Variants in CCBE1 observed in about 807,000 individuals in gnomAD.
CCBE1 encodes the protein collagen and calcium binding EGF domains 1.
CCBE1 carries 37 observed loss-of-function variants against 50.0 expected under a neutral mutation model. That is an observed-to-expected ratio of 0.74 (90% confidence interval 0.57 to 0.97). The LOEUF is 0.97. Among genes scored for constraint, CCBE1 ranks in the 50% least tolerant of loss-of-function variants. CCBE1 has a pLI of 0.00. For missense variants in CCBE1, 538 were observed against 523.8 expected, an observed-to-expected ratio of 1.03 and a Z score of -0.26; for synonymous variants, 234 against 203.7, an observed-to-expected ratio of 1.15 and a Z score of -1.27.
chr18:59,513,649 G>A lies in CCBE1; in HGVS notation c.213-33411C>T, dbSNP rs1045060756. Reference sequence around the variant, plus strand: ...GTGGCAGAGATAGCCCATGAATCTCGAGGTGACAGAGAAGATAGCTTCTGG... The same window carrying A: ...GTGGCAGAGATAGCCCATGAATCTCAAGGTGACAGAGAAGATAGCTTCTGG... On this transcript the variant is annotated intron_variant, in intron 2 of 10. Transcript: ENST00000439986. 5.3e-5 allele frequency among the ~76,000 whole-genome samples: 8 copies of A among 152,346 alleles called. No homozygotes were observed. In the East Asian group the frequency reaches 9.7e-4, roughly 18 times the overall value.
At chr18:59,689,551 C>T (rs900685668) in intron 2 of CCBE1, among the ~76,000 whole-genome samples, 1 of 152,184 alleles carries the variant, frequency 6.6e-6, no homozygotes, top group Non-Finnish European at 1.5e-5. Context: ...ACAGGTGTTT[C>T]AAGCTGGAAA....
chr18:59,697,363 T>C lies in CCBE1; in HGVS notation c.-21A>G, dbSNP rs751463419. 2 of 1,543,304 alleles carry C rather than the reference T, an allele frequency of 1.3e-6. No individual in the cohort carries two copies. Among genetic ancestry groups the C allele is most frequent in the South Asian group, 2.4e-5 (2 of 83,884 alleles). ...ACCATCAGGGAAGCTCCCGGCTTCT[T>C]CCCAGCGCCGAGCTCCGTCCGGACC... On this transcript the variant is annotated 5_prime_UTR_variant, in exon 1 of 11. Transcript: ENST00000439986.
At chr18:59,661,166 C>T (rs1456015153) in intron 2 of CCBE1, among the ~76,000 whole-genome samples, 2 of 152,188 alleles carry the variant, frequency 1.3e-5, no homozygotes, top group Non-Finnish European at 2.9e-5. Flanking sequence ...TGAGAGGCGT[C>T]TCTATGGATC....
At chr18:59,652,836 C>G (rs957580402) in intron 2 of CCBE1, among the ~76,000 whole-genome samples, 1 of 152,068 alleles carries the variant, frequency 6.6e-6, no homozygotes, top group South Asian at 2.1e-4. Flanking sequence ...TGGCGGCGGG[C>G]GCCTGTAGTC....
chr18:59,587,869 TAA>T (rs1239481480), intron 2 of CCBE1, among the ~76,000 whole-genome samples: 1 of 152,216 alleles, frequency 6.6e-6, no homozygotes, highest in Non-Finnish European at 1.5e-5. Context: ...GTACTTTTTG[TAA>T]AGAGGCAACA....
At chr18:59,476,525 T>C (rs1912314366) in intron 3 of CCBE1, among the ~76,000 whole-genome samples, 1 of 151,862 alleles carries the variant, frequency 6.6e-6, no homozygotes. Flanking sequence ...TCAACTCTGC[T>C]GTAATTTGTT....
At chr18:59,450,518 C>G (rs761626628) in intron 6 of CCBE1, among the ~76,000 whole-genome samples, 1 of 152,042 alleles carries the variant, frequency 6.6e-6, no homozygotes, top group African/African-American at 2.4e-5. Context: ...TTAAACCAAG[C>G]GGCAACCTAC....
intron 2 of CCBE1, among the ~76,000 whole-genome samples, chr18:59,625,913 A>C (rs1355376752): frequency 5.9e-5 from 9 of 152,208 alleles, no homozygotes; most frequent in Admixed American, 5.9e-4. Context: ...GCTCTCAGAC[A>C]CCGCACCTGC....
At chr18:59,591,540 A>G (rs2053269354) in intron 2 of CCBE1, among the ~76,000 whole-genome samples, 1 of 152,230 alleles carries the variant, frequency 6.6e-6, no homozygotes, top group African/African-American at 2.4e-5. Context: ...CAAGAGAAAA[A>G]TGGACAAAAT....
intron 2 of CCBE1, among the ~76,000 whole-genome samples, chr18:59,583,970 T>C (rs1418356962): frequency 6.6e-6 from 1 of 152,036 alleles, no homozygotes; most frequent in Non-Finnish European, 1.5e-5. Context: ...GAACAAGAAA[T>C]ACCATTTGAC....
chr18:59,579,398 T>TAA (rs2053050092), intron 2 of CCBE1, among the ~76,000 whole-genome samples: 2 of 144,126 alleles, frequency 1.4e-5, no homozygotes, highest in African/African-American at 5.8e-5. Context: ...ATGGGGATCT[T>TAA]TAAAAAAAAA....
chr18:59,476,094 A>T (rs533827560), intron 3 of CCBE1, among the ~76,000 whole-genome samples: 32 of 152,026 alleles, frequency 2.1e-4, no homozygotes, highest in African/African-American at 7.7e-4. Context: ...GGTGCATAGT[A>T]TAGGTTCTGG....
At chr18:59,528,296 T>G (rs1459182235) in intron 2 of CCBE1, among the ~76,000 whole-genome samples, 2 of 152,016 alleles carry the variant, frequency 1.3e-5, no homozygotes, top group East Asian at 3.9e-4. Flanking sequence ...GAAGTTCTCA[T>G]GTTGTTTTTC....
At chr18:59,633,774 C>T (rs977975508) in intron 2 of CCBE1, among the ~76,000 whole-genome samples, 5 of 151,050 alleles carry the variant, frequency 3.3e-5, no homozygotes, top group Admixed American at 1.3e-4. Context: ...AAATTTTATA[C>T]TGAAATATTA....
At position 59,469,522 on chromosome 18, in the gene CCBE1, G is replaced by A. The variant is rs752489079; in HGVS notation, c.351C>T (p.Tyr117=). The change falls in exon 4 of 11, where the codon TAC becomes TAT. Residue 117 remains tyrosine (Y), a synonymous_variant. Transcript: ENST00000439986. ...TCCGGTGTCTCTCCCGGTCATATCG[G>A]TATCCCGGATAACAAGTACACAGCA... ...GRVLCTCYPG[Y]RYDRERHRKR... The A allele has an allele frequency of 1.9e-6, 3 of 1,614,040 alleles. No homozygotes were observed. The African/African-American group carries it at 4.0e-5, about 22-fold the overall frequency.
intron 6 of CCBE1, among the ~76,000 whole-genome samples, chr18:59,452,237 G>A (rs1035463298): frequency 2.6e-5 from 4 of 152,098 alleles, no homozygotes; most frequent in African/African-American, 9.7e-5. Flanking sequence ...ATGTTTATTT[G>A]GGCAGATGTC....
chr18:59,612,329 A>G (rs1392490676), intron 2 of CCBE1, among the ~76,000 whole-genome samples: 5 of 123,126 alleles, frequency 4.1e-5, no homozygotes, highest in Non-Finnish European at 8.5e-5. Context: ...AAGAAAAAAA[A>G]GAAAAAAAAA....
chr18:59,675,755 TGA>T (rs1263340751), intron 2 of CCBE1, among the ~76,000 whole-genome samples: 4 of 152,206 alleles, frequency 2.6e-5, no homozygotes, highest in South Asian at 2.1e-4. Flanking sequence ...AAATACTTTC[TGA>T]GAGTCTAGTC....
chr18:59,544,916 T>C (rs567695805), intron 2 of CCBE1, among the ~76,000 whole-genome samples: 55 of 152,350 alleles, frequency 3.6e-4, no homozygotes, highest in Non-Finnish European at 7.1e-4. Flanking sequence ...GTCCTGACTT[T>C]TGAAAACCTT....
Sources: allele counts gnomAD v4.1 joint callset (sites outside exome capture counted in the v4.1 genomes callset), GRCh38; gene constraint gnomAD v4.1.1; transcripts MANE v1.5; gene names NCBI Gene and HGNC (gene_info 2026-07-23, HGNC 2026-07-21).